C1orf21: variants seen among roughly 807,000 people sequenced by gnomAD.
C1orf21 encodes chromosome 1 open reading frame 21.
A neutral mutation model predicts 18.7 loss-of-function variants in C1orf21; 3 were observed. The observed-to-expected ratio is 0.16, with a 90% CI of 0.07 to 0.42. The LOEUF (loss-of-function observed/expected upper bound fraction) is 0.42, where lower values mean the gene tolerates loss of function less well. C1orf21 is among the 10% of genes least tolerant of loss of function. The probability of loss-of-function intolerance (pLI) is 0.99; values close to 1 mark genes in which losing one functional copy is unlikely to be tolerated. For missense variants in C1orf21, 104 were observed against 143.6 expected, an observed-to-expected ratio of 0.72 and a Z score of 1.41; for synonymous variants, 41 against 46.4, an observed-to-expected ratio of 0.88 and a Z score of 0.47.
rs543727163 is a variant in C1orf21 at position 184,484,300 on chromosome 1, C to G, written c.94+6697C>G. Among the ~76,000 whole-genome samples the G allele has an allele frequency of 5.3e-5, 8 of 152,266 alleles. No homozygotes were observed. The South Asian group carries it at 1.4e-3, about 28-fold the overall frequency. The stretch of plus-strand genomic sequence containing the variant: ...GTGAACTTATCCTGCATCTTCGCTG[C>G]TCTAGGCCCTCCAGTACATGGTGAC... On this transcript the variant is annotated intron_variant, in intron 2 of 5. Transcript: ENST00000235307.
At chr1:184,422,781 C>T (rs887022725) in intron 1 of C1orf21, among the ~76,000 whole-genome samples, 4 of 152,214 alleles carry the variant, frequency 2.6e-5, no homozygotes, top group African/African-American at 7.2e-5. Context: ...TTTGCCATAA[C>T]TGTTGAATTG....
intron 1 of C1orf21, among the ~76,000 whole-genome samples, chr1:184,394,952 T>C (rs950077764): frequency 6.6e-6 from 1 of 151,216 alleles, no homozygotes; most frequent in Non-Finnish European, 1.5e-5. Context: ...AAAACAAATT[T>C]TATGCCTCCC....
chr1:184,607,708 C>CATATATGTGTGTGTATATATATACAT (rs1219810762), intron 5 of C1orf21, among the ~76,000 whole-genome samples: 23 of 146,700 alleles, frequency 1.6e-4, no homozygotes, highest in African/African-American at 5.5e-4. Flanking sequence ...TATATATACA[C>CATATATGTGTGTGTATATATATACAT]ATATATGTGT....
rs1002245882 is a variant in C1orf21 at position 184,624,128 on chromosome 1, T to C, written c.*4572T>C. On this transcript the variant is annotated 3_prime_UTR_variant, in exon 6 of 6. Transcript: ENST00000235307. The stretch of plus-strand genomic sequence containing the variant: ...CATGTTGAAAGAAGGAAAGATGTCA[T>C]TCAAGTATTTTTCAAATTCTTTTTA... 6.6e-6 allele frequency: 1 copy of C among 152,606 alleles called. No homozygotes were observed. Among genetic ancestry groups the C allele is most frequent in the Non-Finnish European group, 1.5e-5 (1 of 68,040 alleles). 9.5% of individuals were successfully genotyped at this position (152,606 alleles called of 1,614,324 possible). A position where few individuals can be genotyped will look rare whatever the true frequency, so the allele number is the denominator to read the frequency against.
intron 3 of C1orf21, among the ~76,000 whole-genome samples, chr1:184,568,782 G>A (rs1309609126): frequency 6.6e-6 from 1 of 152,160 alleles, no homozygotes; most frequent in African/African-American, 2.4e-5. Context: ...CCTTCTCTTT[G>A]ATGGTCCTCC....
chr1:184,559,612 T>TTTCTTC (rs1558002760), intron 3 of C1orf21, among the ~76,000 whole-genome samples: 1 of 138,188 alleles, frequency 7.2e-6, no homozygotes, highest in Non-Finnish European at 1.6e-5. Flanking sequence ...CCTTCCTTCC[T>TTTCTTC]CCCTCCCTCC....
At chr1:184,553,192 AG>A (rs1212772996) in intron 3 of C1orf21, among the ~76,000 whole-genome samples, 3 of 152,196 alleles carry the variant, frequency 2.0e-5, no homozygotes, top group South Asian at 4.1e-4. Flanking sequence ...ATTTTAGAAT[AG>A]GAAAAAAACC....
chr1:184,413,441 G>C (rs1031452446), intron 1 of C1orf21, among the ~76,000 whole-genome samples: 3 of 152,204 alleles, frequency 2.0e-5, no homozygotes, highest in African/African-American at 7.2e-5. Context: ...TAGATGTCAT[G>C]TATTAACATA....
chr1:184,608,579 T>C lies in C1orf21; in HGVS notation c.327+10118T>C, dbSNP rs544460432. The stretch of plus-strand genomic sequence containing the variant: ...TGTTCTTATTGGCCAATTAGCCAAA[T>C]GTGTGACAACCCTTAATTTAACCTG... On this transcript the variant is annotated intron_variant, in intron 5 of 5. Coordinates refer to ENST00000235307, the MANE Select transcript of C1orf21 (RefSeq NM_030806.4). Among the ~76,000 whole-genome samples the C allele has an allele frequency of 2.6e-5, 4 of 152,350 alleles. No homozygotes were observed. In the East Asian group the frequency reaches 7.7e-4, roughly 29 times the overall value.
chr1:184,410,665 T>TA (rs1557965191), intron 1 of C1orf21, among the ~76,000 whole-genome samples: 5 of 16,494 alleles, frequency 3.0e-4, no homozygotes, highest in African/African-American at 1.4e-3. Context: ...ATATATATAT[T>TA]TTTTTTTTTT....
At chr1:184,524,521 G>C (rs1395032754) in intron 3 of C1orf21, among the ~76,000 whole-genome samples, 1 of 152,024 alleles carries the variant, frequency 6.6e-6, no homozygotes, top group Non-Finnish European at 1.5e-5. Flanking sequence ...ACATTGGCTG[G>C]AATTGTCCCA....
intron 1 of C1orf21, chr1:184,412,363 C>T (rs2101962823): frequency 6.6e-6 from 1 of 152,342 alleles, no homozygotes; most frequent in South Asian, 2.1e-4. Flanking sequence ...GATGGACATC[C>T]CTTAGGGGAA....
At chr1:184,441,973 A>T (rs1354981637) in intron 1 of C1orf21, among the ~76,000 whole-genome samples, 1 of 152,188 alleles carries the variant, frequency 6.6e-6, no homozygotes, top group Non-Finnish European at 1.5e-5. Flanking sequence ...CCATTTAGTT[A>T]TGTTGTAGTC....
At chr1:184,400,487 G>A (rs749701066) in intron 1 of C1orf21, among the ~76,000 whole-genome samples, 4 of 152,064 alleles carry the variant, frequency 2.6e-5, no homozygotes, top group Admixed American at 6.6e-5. Context: ...TAGCAAAAAG[G>A]TTGCCTACTG....
At chr1:184,558,414 G>A (rs1037764996) in intron 3 of C1orf21, among the ~76,000 whole-genome samples, 4 of 152,174 alleles carry the variant, frequency 2.6e-5, no homozygotes, top group African/African-American at 9.7e-5. Flanking sequence ...ATTTTCTAGA[G>A]TAGTTGCTAG....
In C1orf21 at chr1:184,547,878, A is replaced by G. The variant is rs1658748659; in HGVS notation, c.189+40196A>G. On this transcript the variant is annotated intron_variant, in intron 3 of 5. Coordinates refer to ENST00000235307, the MANE Select transcript of C1orf21 (RefSeq NM_030806.4). ...TCATTACAATCTGAAATGTTGACCC[A>G]GGGCATCAGAAATGTGCTGCTCCAA... Among the ~76,000 whole-genome samples the G allele has an allele frequency of 2.0e-5, 3 of 152,204 alleles. No homozygotes were observed. In the South Asian group the frequency reaches 6.2e-4, roughly 31 times the overall value.
intron 1 of C1orf21, among the ~76,000 whole-genome samples, chr1:184,409,236 G>GA (rs1656295329): frequency 6.6e-6 from 1 of 152,204 alleles, no homozygotes; most frequent in African/African-American, 2.4e-5. Context: ...GAGAGGCCCA[G>GA]AAAATCTGCT....
At chr1:184,446,357 C>T (rs1405827284) in intron 1 of C1orf21, among the ~76,000 whole-genome samples, 1 of 151,910 alleles carries the variant, frequency 6.6e-6, no homozygotes, top group East Asian at 1.9e-4. Context: ...GGCTTCTTTC[C>T]CAAGCGGCAA....
chr1:184,565,150 T>G (rs986227870), intron 3 of C1orf21, among the ~76,000 whole-genome samples: 1 of 152,234 alleles, frequency 6.6e-6, no homozygotes, highest in African/African-American at 2.4e-5. Flanking sequence ...GAGGTTGACC[T>G]GGTTACTTTT....
Sources: allele counts gnomAD v4.1 joint callset (sites outside exome capture counted in the v4.1 genomes callset), GRCh38; gene constraint gnomAD v4.1.1; transcripts MANE v1.5; gene names NCBI Gene and HGNC (gene_info 2026-07-23, HGNC 2026-07-21).